Variants in SLC51A observed in about 807,000 individuals in gnomAD.
SLC51A encodes organic solute transporter subunit alpha.
SLC51A carries 22 observed loss-of-function variants against 34.8 expected under a neutral mutation model. The ratio of observed to expected loss-of-function variants is 0.63; its 90% CI spans 0.45 to 0.90. The LOEUF is 0.90. SLC51A is among the 40% of genes least tolerant of loss of function. The pLI is 0.00. For synonymous variants in SLC51A, 181 were observed against 176.3 expected, an observed-to-expected ratio of 1.03 and a Z score of -0.21; for missense variants, 371 against 414.8, an observed-to-expected ratio of 0.89 and a Z score of 0.92.
chr3:196,232,552 C>A lies in SLC51A; in HGVS notation c.886+28C>A, dbSNP rs776403765. On this transcript the variant is annotated intron_variant, in intron 8 of 8. Transcript: ENST00000296327. ...GAGCACGTTAAGCCTCCTGTCCCAT[C>A]GTGGGATGGATGAGACGGGGAGAGT... is the stretch of plus-strand genomic sequence containing the variant. 8 of 1,558,912 alleles carry A rather than the reference C, an allele frequency of 5.1e-6. No individual in the cohort carries two copies. In the Admixed American group the frequency reaches 1.2e-4, roughly 23 times the overall value.
intron 2 of SLC51A, among the ~76,000 whole-genome samples, chr3:196,220,079 G>A (rs1355054974): frequency 1.3e-5 from 2 of 152,258 alleles, no homozygotes; most frequent in Admixed American, 6.5e-5. Flanking sequence ...GGGGAGCGAG[G>A]TCTGGCAGGA....
At chr3:196,217,205 T>C (rs1318859739) in intron 1 of SLC51A, among the ~76,000 whole-genome samples, 1 of 152,212 alleles carries the variant, frequency 6.6e-6, no homozygotes, top group Non-Finnish European at 1.5e-5. Context: ...CTCCCCCACC[T>C]GGGCCAGTTC....
At chr3:196,227,185 C>A in intron 3 of SLC51A, 66 bp downstream of exon 3, 2 of 1,548,804 alleles carry the variant, frequency 1.3e-6, no homozygotes, top group Non-Finnish European at 1.8e-6. Context: ...GTGAGAATTC[C>A]TCTAAACTCA....
chr3:196,228,409 C>A lies in SLC51A; in HGVS notation c.521+136C>A. On this transcript the variant is annotated intron_variant, in intron 5 of 8. Transcript: ENST00000296327. This position sits in a 1 kb window ranked among gnomAD's most constrained non-coding sequence, Gnocchi z 4.9. ...AAGGGTGGGCATCCCACGGCCAGGA[C>A]CCACGGGCGCCACCCTCAGGGGACA... The A allele has an allele frequency of 1.8e-6, 2 of 1,133,662 alleles. No individual in the cohort carries two copies. The highest frequency in any genetic ancestry group is 2.4e-6 in the Non-Finnish European group (2 of 822,372). The allele number at this position is 1,133,662 out of a possible 1,614,324, so 70.2% of individuals were successfully genotyped here. A position where few individuals can be genotyped will look rare whatever the true frequency, so the allele number is the denominator to read the frequency against.
rs1263462338 is a variant in SLC51A, at chr3:196,216,647, C to A, written c.-66C>A. On this transcript the variant is annotated 5_prime_UTR_variant, in exon 1 of 9. Coordinates refer to ENST00000296327, the MANE Select transcript of SLC51A (RefSeq NM_152672.6). This position sits in a 1 kb window ranked among gnomAD's most constrained non-coding sequence, Gnocchi z 4.5. ...GGCAAGCCACCCTGCCCCCGGCCCCCACCTGCCCGCCCCGCCTGCCCTTCC... is the reference window on the plus strand; with the variant it reads ...GGCAAGCCACCCTGCCCCCGGCCCCAACCTGCCCGCCCCGCCTGCCCTTCC... 18 of 1,528,778 alleles carry A rather than the reference C, an allele frequency of 1.2e-5. No individual in the cohort carries two copies. The East Asian group carries it at 3.2e-4, about 27-fold the overall frequency. 94.7% of individuals were successfully genotyped at this position (1,528,778 alleles called of 1,614,324 possible).
chr3:196,218,158 A>T (rs1723645051), intron 2 of SLC51A, among the ~76,000 whole-genome samples: 1 of 152,200 alleles, frequency 6.6e-6, no homozygotes, highest in Non-Finnish European at 1.5e-5. Context: ...AGCAACCGTC[A>T]TGTTGGGCCT....
At chr3:196,227,927 C>T (rs747621643) in intron 4 of SLC51A, 188 bp from the exon 5 acceptor site, 271 of 943,642 alleles carry the variant, frequency 2.9e-4, no homozygotes, top group Non-Finnish European at 4.0e-4. Flanking sequence ...CCTCAGCCAG[C>T]CCTCTGTTCC....
chr3:196,221,467 C>T (rs1237564210), intron 2 of SLC51A, among the ~76,000 whole-genome samples: 5 of 151,546 alleles, frequency 3.3e-5, no homozygotes, highest in Admixed American at 6.6e-5. Context: ...AGTCTGACTT[C>T]GTTGCCCAGG....
intron 4 of SLC51A, 132 bp downstream of exon 4, chr3:196,227,869 G>A (rs1305131841): frequency 1.8e-5 from 17 of 969,258 alleles, no homozygotes; most frequent in Non-Finnish European, 2.4e-5. Context: ...GGGCTCTTGC[G>A]CTCCTGGCTC....
chr3:196,221,960 C>T (rs1361949253), intron 2 of SLC51A, among the ~76,000 whole-genome samples: 3 of 151,974 alleles, frequency 2.0e-5, no homozygotes, highest in Non-Finnish European at 2.9e-5. Context: ...CCTCGTGATC[C>T]GCCCGCCTCG....
chr3:196,226,773 TAAAAA>T (rs780868037), intron 2 of SLC51A, among the ~76,000 whole-genome samples, 187 bp from the exon 3 acceptor site: 1 of 107,582 alleles, frequency 9.3e-6, no homozygotes, highest in Non-Finnish European at 1.8e-5. Flanking sequence ...GGCTCCGTCT[TAAAAA>T]AAAAAAAAAA....
intron 4 of SLC51A, 183 bp downstream of exon 4, chr3:196,227,920 C>T: frequency 1.1e-6 from 1 of 936,678 alleles, no homozygotes; most frequent in Admixed American, 2.6e-5. Context: ...GCACATTCCT[C>T]AGCCAGCCCT....
chr3:196,232,896 G>A, intron 8 of SLC51A, 167 bp from the exon 9 acceptor site: 1 of 707,530 alleles, frequency 1.4e-6, no homozygotes, highest in East Asian at 2.6e-5. Context: ...TCCGGTTCTG[G>A]CTCTACCATT....
intron 2 of SLC51A, chr3:196,223,849 T>C (rs1421651420): frequency 2.3e-6 from 1 of 429,202 alleles, no homozygotes; most frequent in East Asian, 7.4e-5. Context: ...TTTCCTTTTT[T>C]TTAATGCCTT....
At chr3:196,227,421 G>A (rs1438460825) in intron 3 of SLC51A, 1 of 594,012 alleles carries the variant, frequency 1.7e-6, no homozygotes, top group Non-Finnish European at 3.0e-6. Context: ...GTTCCTCAGA[G>A]TGTGGGGGAA....
In SLC51A at chr3:196,216,791, C is replaced by T. The variant is rs372099357; in HGVS notation, c.38+41C>T. The T allele has an allele frequency of 2.9e-5, 45 of 1,547,188 alleles. No homozygotes were observed. Among genetic ancestry groups the T allele is most frequent in the Non-Finnish European group, 3.8e-5 (44 of 1,143,528 alleles). Reference sequence around the variant, plus strand: ...GGGCCCTGGGCCAGTCGCTGGGCAGCGGTGGCCCCTATCCCGCGGCCTGTC... The same window carrying T: ...GGGCCCTGGGCCAGTCGCTGGGCAGTGGTGGCCCCTATCCCGCGGCCTGTC... On this transcript the variant is annotated intron_variant, in intron 1 of 8. Coordinates refer to ENST00000296327, the MANE Select transcript of SLC51A (RefSeq NM_152672.6). The surrounding 1 kb of genome is among the most constrained non-coding windows in gnomAD (Gnocchi z 4.5).
chr3:196,223,133 T>C (rs1456741480), intron 2 of SLC51A, among the ~76,000 whole-genome samples: 5 of 151,798 alleles, frequency 3.3e-5, no homozygotes, highest in African/African-American at 1.2e-4. Flanking sequence ...TAGTCACGAA[T>C]ACCTGCGTTT....
Position 196,228,410 on chromosome 3 carries a change from C to A in SLC51A, c.521+137C>A. On this transcript the variant is annotated intron_variant, in intron 5 of 8. Transcript: ENST00000296327. The surrounding 1 kb of genome is among the most constrained non-coding windows in gnomAD (Gnocchi z 4.9). ...AGGGTGGGCATCCCACGGCCAGGAC[C>A]CACGGGCGCCACCCTCAGGGGACAG... The A allele has an allele frequency of 2.7e-6, 3 of 1,115,010 alleles. No homozygotes were observed. Among genetic ancestry groups the A allele is most frequent in the African/African-American group, 1.6e-5 (1 of 63,806 alleles). The allele number at this position is 1,115,010 out of a possible 1,614,324, so 69.1% of individuals were successfully genotyped here. A position where few individuals can be genotyped will look rare whatever the true frequency, so the allele number is the denominator to read the frequency against.
At position 196,228,165 on chromosome 3, in the gene SLC51A, T is replaced by C. The variant is rs770735882; in HGVS notation, c.413T>C (p.Phe138Ser). Residue 138 changes from phenylalanine to serine, a missense_variant, in exon 5 of 9, where the codon TTT becomes TCT. Coordinates refer to ENST00000296327, the MANE Select transcript of SLC51A (RefSeq NM_152672.6). This position sits in a 1 kb window ranked among gnomAD's most constrained non-coding sequence, Gnocchi z 4.9. ...CTGATGCTGGTCATGGTGGAAGGCT[T>C]TGGGGGGAAGGAGGCAGTGCTGAGG... The part of the protein sequence containing the change: ...YLLMLVMVEG[F>S]GGKEAVLRTL... 2 of 1,614,070 alleles carry C rather than the reference T, an allele frequency of 1.2e-6. No homozygotes were observed. The highest frequency in any genetic ancestry group is 1.7e-6 in the Non-Finnish European group (2 of 1,180,002).
Sources: gnomAD v4.1 joint callset for allele counts (sites outside exome capture counted in the v4.1 genomes callset) on GRCh38, gnomAD v4.1.1 for gene constraint, Gnocchi (gnomAD v3.1) non-coding constraint, MANE v1.5 for transcripts, NCBI Gene and HGNC (gene_info 2026-07-23, HGNC 2026-07-21) for gene names.